Variants in CCSER1 observed in about 807,000 individuals in gnomAD.
CCSER1 encodes the protein coiled-coil serine rich protein 1.
A neutral mutation model predicts 82.0 loss-of-function variants in CCSER1; 41 were observed. The observed-to-expected ratio is 0.50, with a 90% CI of 0.39 to 0.65. The LOEUF (loss-of-function observed/expected upper bound fraction) is 0.65. CCSER1 is among the 30% of genes least tolerant of loss of function. The pLI, the probability that CCSER1 is intolerant of heterozygous loss-of-function variation, is 0.00. For synonymous variants in CCSER1, 414 were observed against 383.9 expected (o/e 1.08, Z -0.92); for missense variants, 1,119 against 1,064.2 (o/e 1.05, Z -0.72).
intron 6 of CCSER1, among the ~76,000 whole-genome samples, chr4:90,717,547 A>T (rs182606869): frequency 6.6e-6 from 1 of 152,156 alleles, no homozygotes; most frequent in East Asian, 1.9e-4. Context: ...AATATGCACC[A>T]CTTAGAGAAT....
At chr4:91,521,640 G>A (rs140371948) in intron 10 of CCSER1, among the ~76,000 whole-genome samples, 6,955 of 152,262 alleles carry the variant, frequency 0.046, 497 homozygotes, top group African/African-American at 0.15. Context: ...GTGATGATGA[G>A]CATTCTTTCA....
chr4:90,919,054 G>A (rs1438043727), intron 8 of CCSER1, among the ~76,000 whole-genome samples: 3 of 131,230 alleles, frequency 2.3e-5, no homozygotes, highest in African/African-American at 8.6e-5. Context: ...GAAATACATT[G>A]GTAAATCTTA....
intron 8 of CCSER1, among the ~76,000 whole-genome samples, chr4:90,841,564 C>G (rs997206421): frequency 7.4e-6 from 1 of 135,818 alleles, no homozygotes; most frequent in African/African-American, 2.8e-5. Flanking sequence ...GGCGACAGAC[C>G]GAGACTCTGT....
At chr4:90,849,507 C>T (rs988704522) in intron 8 of CCSER1, among the ~76,000 whole-genome samples, 3 of 151,914 alleles carry the variant, frequency 2.0e-5, no homozygotes, top group Non-Finnish European at 4.4e-5. Context: ...AAGAAAAACC[C>T]GGCCAGGTGT....
At chr4:90,294,371 T>C (rs1206177708) in intron 1 of CCSER1, among the ~76,000 whole-genome samples, 1 of 151,774 alleles carries the variant, frequency 6.6e-6, no homozygotes, top group Non-Finnish European at 1.5e-5. Context: ...AAATACAAAG[T>C]CTTTATATTA....
At chr4:90,790,350 G>C (rs958710818) in intron 7 of CCSER1, among the ~76,000 whole-genome samples, 9 of 152,004 alleles carry the variant, frequency 5.9e-5, no homozygotes, top group African/African-American at 2.2e-4. Context: ...ATAATTTATT[G>C]TTATGGAATA....
intron 10 of CCSER1, among the ~76,000 whole-genome samples, chr4:91,357,109 A>G (rs1177907449): frequency 2.0e-5 from 3 of 152,190 alleles, no homozygotes; most frequent in Non-Finnish European, 4.4e-5. Flanking sequence ...TTAAGTCTTT[A>G]ACTTTCTTGA....
chr4:90,423,610 G>T (rs914376584), intron 4 of CCSER1, among the ~76,000 whole-genome samples: 2 of 152,062 alleles, frequency 1.3e-5, no homozygotes, highest in Non-Finnish European at 1.5e-5. Flanking sequence ...GAGTAGCTGG[G>T]ATTACAGGCA....
intron 5 of CCSER1, among the ~76,000 whole-genome samples, chr4:90,484,534 A>G (rs191048924): frequency 0.016 from 2,407 of 152,116 alleles, 38 homozygotes; most frequent in African/African-American, 0.047. Flanking sequence ...TGATGGTGAC[A>G]TACAGACGGG....
intron 6 of CCSER1, among the ~76,000 whole-genome samples, chr4:90,708,579 T>C (rs58127093): frequency 0.052 from 7,850 of 152,218 alleles, 469 homozygotes; most frequent in African/African-American, 0.15. Context: ...ATGTTTTCTT[T>C]AATATGTAAA....
intron 5 of CCSER1, among the ~76,000 whole-genome samples, chr4:90,619,016 A>G (rs1190309338): frequency 6.6e-6 from 1 of 151,316 alleles, no homozygotes; most frequent in Admixed American, 6.6e-5. Context: ...AATACTCATT[A>G]TCTATAATAT....
chr4:90,352,652 A>G (rs934838494), intron 3 of CCSER1, among the ~76,000 whole-genome samples: 4 of 111,018 alleles, frequency 3.6e-5, no homozygotes, highest in African/African-American at 1.9e-4. Flanking sequence ...ACAGAGCAAG[A>G]CTGTCTCAAA....
intron 1 of CCSER1, among the ~76,000 whole-genome samples, chr4:90,260,924 C>CA (rs1267573392): frequency 6.6e-6 from 1 of 152,028 alleles, no homozygotes; most frequent in Non-Finnish European, 1.5e-5. Context: ...CCATGTTGGC[C>CA]AGGCTGGTCT....
chr4:90,403,319 G>A (rs1171863096), intron 4 of CCSER1, among the ~76,000 whole-genome samples: 1 of 151,678 alleles, frequency 6.6e-6, no homozygotes, highest in Non-Finnish European at 1.5e-5. Context: ...CTAAAACGGT[G>A]AAACCCCGTC....
chr4:91,379,066 T>C (rs1750664643), intron 10 of CCSER1, among the ~76,000 whole-genome samples: 2 of 152,224 alleles, frequency 1.3e-5, no homozygotes, highest in African/African-American at 4.8e-5. Flanking sequence ...TTGATTTGCA[T>C]ATGTTGAACC....
At chr4:90,835,347 GAAATA>G (rs1214114205) in intron 8 of CCSER1, among the ~76,000 whole-genome samples, 3 of 152,006 alleles carry the variant, frequency 2.0e-5, no homozygotes, top group African/African-American at 4.8e-5. Flanking sequence ...AAAATAAAAT[GAAATA>G]AAATAAAATA....
At chr4:91,451,082 A>G (rs1755845919) in intron 10 of CCSER1, among the ~76,000 whole-genome samples, 1 of 85,188 alleles carries the variant, frequency 1.2e-5, no homozygotes. Context: ...TGAGTTTTCT[A>G]GTTCAAAGAT....
chr4:91,580,021 G>T (rs1380245049), intron 10 of CCSER1, among the ~76,000 whole-genome samples: 1 of 151,766 alleles, frequency 6.6e-6, no homozygotes, highest in Non-Finnish European at 1.5e-5. Context: ...CAAATTTGCT[G>T]GATGTATTTG....
intron 10 of CCSER1, among the ~76,000 whole-genome samples, chr4:91,541,754 G>T (rs1362121165): frequency 2.0e-5 from 3 of 152,086 alleles, no homozygotes; most frequent in Non-Finnish European, 4.4e-5. Context: ...GTGATGGGAT[G>T]GTTGGGTCAA....
Sources: gnomAD v4.1 joint callset for allele counts (sites outside exome capture counted in the v4.1 genomes callset) on GRCh38, gnomAD v4.1.1 for gene constraint, MANE v1.5 for transcripts, NCBI Gene and HGNC (gene_info 2026-07-23, HGNC 2026-07-21) for gene names.